The following MTCH1 variants were observed in gnomAD, a reference collection of about 807,000 sequenced individuals.
MTCH1 encodes the protein mitochondrial carrier homolog 1.
A neutral mutation model predicts 49.3 loss-of-function variants in MTCH1; 23 were observed. The observed-to-expected ratio is 0.47, with a 90% CI of 0.34 to 0.66. The LOEUF (loss-of-function observed/expected upper bound fraction) is 0.66, where lower values mean the gene tolerates loss of function less well. Among genes scored for constraint, MTCH1 ranks in the 30% least tolerant of loss-of-function variants. The pLI is 0.01. For missense variants in MTCH1, 397 were observed against 532.1 expected, an observed-to-expected ratio of 0.75 and a Z score of 2.50; for synonymous variants, 229 against 215.2, an observed-to-expected ratio of 1.06 and a Z score of -0.56.
intron 1 of MTCH1, among the ~76,000 whole-genome samples, chr6:36,985,570 C>T (rs1764270880): frequency 6.6e-6 from 1 of 152,094 alleles, no homozygotes; most frequent in Non-Finnish European, 1.5e-5. Flanking sequence ...CCATCGCTCC[C>T]TCCTTGGCAC....
In MTCH1 at chr6:36,972,621, G is replaced by A; in HGVS notation, c.906+31C>T. On this transcript the variant is annotated intron_variant, in intron 8 of 11. Transcript: ENST00000373627. This position sits in a 1 kb window ranked among gnomAD's most constrained non-coding sequence, Gnocchi z 4.1. ...AGACCCTGGGCATCAGCAGCACACG[G>A]AAAGAAGGACAAGTCCTTGTTCCAA... 6.5e-7 allele frequency: 1 copy of A among 1,536,772 alleles called. No individual in the cohort carries two copies. Among genetic ancestry groups the A allele is most frequent in the Non-Finnish European group, 8.8e-7 (1 of 1,135,066 alleles).
At chr6:36,985,763 G>A in intron 1 of MTCH1, 90 bp downstream of exon 1, 2 of 782,764 alleles carry the variant, frequency 2.6e-6, no homozygotes, top group Non-Finnish European at 3.3e-6. Context: ...CAAATCCGTC[G>A]CCATTGACTG....
intron 11 of MTCH1, chr6:36,969,713 AAGG>A: frequency 8.1e-7 from 1 of 1,232,796 alleles, no homozygotes; most frequent in Non-Finnish European, 1.0e-6. Context: ...ATGTTACTTG[AAGG>A]AGAAGCAGTT....
In MTCH1 at chr6:36,977,297, C is replaced by T. The variant is rs201661506; in HGVS notation, c.650-47G>A. On this transcript the variant is annotated intron_variant, in intron 5 of 11. Coordinates refer to ENST00000373627, the MANE Select transcript of MTCH1 (RefSeq NM_001271641.2). The surrounding 1 kb of genome is among the most constrained non-coding windows in gnomAD (Gnocchi z 5.4). ...CACACAGGTGATGTGGTGGGCCACA[C>T]TTCATAATGCTCCAGCCACCGGGTG... The T allele has an allele frequency of 1.1e-4, 172 of 1,599,434 alleles. 1 individual carries two copies. The African/African-American group carries it at 2.0e-3, about 19-fold the overall frequency.
chr6:36,978,225 G>A (rs951957492), intron 3 of MTCH1, 70 bp from the exon 4 acceptor site: 30 of 1,360,640 alleles, frequency 2.2e-5, no homozygotes, highest in African/African-American at 1.2e-4. Context: ...GGACTTGGGC[G>A]GCAGGAACCA....
At chr6:36,985,316 A>C (rs1226352307) in intron 1 of MTCH1, among the ~76,000 whole-genome samples, 1 of 150,492 alleles carries the variant, frequency 6.6e-6, no homozygotes, top group East Asian at 2.0e-4. Context: ...CTTTGTCCCC[A>C]CCCCAAGACG....
chr6:36,980,621 T>C (rs1764052079), intron 2 of MTCH1, among the ~76,000 whole-genome samples: 1 of 152,104 alleles, frequency 6.6e-6, no homozygotes, highest in Non-Finnish European at 1.5e-5. Context: ...GCCAACAGCA[T>C]GTGAAATGGA....
At chr6:36,975,203 T>C (rs745505) in intron 7 of MTCH1, among the ~76,000 whole-genome samples, 36,270 of 152,224 alleles carry the variant, frequency 0.24, 4,445 homozygotes, top group South Asian at 0.34. Context: ...GTGCAACATA[T>C]CTTAAATGTT....
intron 6 of MTCH1, 99 bp from the exon 7 acceptor site, chr6:36,975,816 A>T: frequency 2.7e-6 from 3 of 1,103,906 alleles, no homozygotes; most frequent in Non-Finnish European, 4.1e-6. Context: ...GCTCAAATCC[A>T]GCCAGTCCTG....
chr6:36,975,662 A>G lies in MTCH1; in HGVS notation c.757T>C (p.Phe253Leu). 1 of 1,614,118 alleles carries G rather than the reference A, an allele frequency of 6.2e-7. No homozygotes were observed. Among genetic ancestry groups the G allele is most frequent in the Non-Finnish European group, 8.5e-7 (1 of 1,179,966 alleles). Reference protein sequence around the residue: ...IFKEEGLLGFFVGLIPHLLGD... With the variant: ...IFKEEGLLGFLVGLIPHLLGD... The stretch of plus-strand genomic sequence containing the variant: ...GGGGTGTATAAACTCACGTACACGA[A>G]GAATCCCAGCAGCCCTTCCTCTTTG... Residue 253 changes from phenylalanine to leucine, a missense_variant, in exon 7 of 12, where the codon TTC becomes CTC. This residue lies in a region of MTCH1 where 252 missense variants were observed against 388.3 expected (regional missense o/e 0.65). Transcript: ENST00000373627.
intron 11 of MTCH1, 22 bp from the exon 12 acceptor site, chr6:36,968,996 G>A (rs1763576846): frequency 1.2e-6 from 2 of 1,613,070 alleles, no homozygotes. Context: ...GGAAAAGTAA[G>A]GTGAGTGAAA....
At chr6:36,970,905 G>A (rs1379945078) in intron 8 of MTCH1, 11 of 615,088 alleles carry the variant, frequency 1.8e-5, no homozygotes, top group East Asian at 2.8e-5. Flanking sequence ...AAGGAGACCC[G>A]GTAAGAGGGA....
At chr6:36,969,710 T>C (rs1763604093) in intron 11 of MTCH1, 3 of 1,229,108 alleles carry the variant, frequency 2.4e-6, no homozygotes, top group Non-Finnish European at 3.1e-6. Context: ...CCCATGTTAC[T>C]TGAAGGAGAA....
intron 2 of MTCH1, among the ~76,000 whole-genome samples, chr6:36,979,630 G>A (rs545768899): frequency 6.6e-5 from 10 of 152,316 alleles, no homozygotes; most frequent in African/African-American, 2.2e-4. Context: ...ATATGTGATT[G>A]CCTGAGATGA....
chr6:36,976,321 G>C (rs1561907507), intron 6 of MTCH1, among the ~76,000 whole-genome samples: 1 of 152,116 alleles, frequency 6.6e-6, no homozygotes, highest in Non-Finnish European at 1.5e-5. Flanking sequence ...GACAGGCTGT[G>C]GGTTCTTGGG....
chr6:36,969,687 C>A, intron 11 of MTCH1: 1 of 1,209,768 alleles, frequency 8.3e-7, no homozygotes, highest in South Asian at 1.6e-5. Context: ...GGTTACAGAC[C>A]TCGAATTTTC....
intron 10 of MTCH1, 37 bp from the exon 11 acceptor site, chr6:36,970,151 G>A: frequency 6.2e-7 from 1 of 1,603,158 alleles, no homozygotes. Context: ...AGAGAACAGT[G>A]GAAGACAGCC....
intron 9 of MTCH1, 84 bp downstream of exon 9, chr6:36,970,563 C>T: frequency 1.9e-6 from 3 of 1,608,368 alleles, no homozygotes; most frequent in Non-Finnish European, 2.6e-6. Context: ...CAAGACCTGC[C>T]TCCAGCCATT....
At chr6:36,976,655 G>C (rs1763889532) in intron 6 of MTCH1, 10 of 461,354 alleles carry the variant, frequency 2.2e-5, no homozygotes, top group South Asian at 1.6e-4. Flanking sequence ...GGGCAACCCA[G>C]GTGTGTCCTT....
Sources: allele counts gnomAD v4.1 joint callset (sites outside exome capture counted in the v4.1 genomes callset), GRCh38; gene constraint gnomAD v4.1.1; regional missense constraint gnomAD v4.1.1; non-coding constraint Gnocchi (gnomAD v3.1); transcripts MANE v1.5; gene names NCBI Gene and HGNC (gene_info 2026-07-23, HGNC 2026-07-21).